Variants in TMX1 observed in about 807,000 individuals in gnomAD.
TMX1 encodes thioredoxin related transmembrane protein 1.
In TMX1, 25 loss-of-function variants were observed where a neutral mutation model predicts 36.6. The ratio of observed to expected loss-of-function variants is 0.68; its 90% CI spans 0.50 to 0.95. The LOEUF (loss-of-function observed/expected upper bound fraction) is 0.95. Ranked by LOEUF, TMX1 falls within the 40% of genes least tolerant of loss-of-function variation. The pLI, the probability that TMX1 is intolerant of heterozygous loss-of-function variation, is 0.00. For synonymous variants in TMX1, 133 were observed against 118.0 expected, an observed-to-expected ratio of 1.13 and a Z score of -0.82; for missense variants, 347 against 339.6, an observed-to-expected ratio of 1.02 and a Z score of -0.17.
At position 51,254,400 on chromosome 14, in the gene TMX1, G is replaced by A. The variant is rs1170288690; in HGVS notation, c.724G>A (p.Asp242Asn). ...AAAAGTGGAGGAGGAACAAGAGGCG[G>A]ATGAAGAAGATGTTTCAGAAGAAGA... ...LKKVEEEQEADEEDVSEEEAE... is the reference protein window; with the variant it reads ...LKKVEEEQEANEEDVSEEEAE... The change falls in exon 8 of 8, where the codon GAT becomes AAT. Residue 242 changes from aspartate (D) to asparagine (N), a missense_variant. Physicochemically the swap from Asp to Asn is conservative, Grantham distance 23 (BLOSUM62 1). Transcript: ENST00000457354. 5.6e-6 allele frequency: 9 copies of A among 1,612,200 alleles called. No individual in the cohort carries two copies. The highest frequency in any genetic ancestry group is 2.5e-6 in the Non-Finnish European group (3 of 1,179,166).
In TMX1 at chr14:51,249,581, AT is replaced by A; in HGVS notation, c.591+17del. The stretch of plus-strand genomic sequence containing the variant: ...TGTTATTAGGACTCGTAAGTATTTC[AT>A]TTTTGGAGTGCTAGGAAGAAAGATA... On this transcript the variant is annotated intron_variant, in intron 6 of 7. Transcript: ENST00000457354. The A allele has an allele frequency of 4.3e-6, 7 of 1,609,662 alleles. No homozygotes were observed. Among genetic ancestry groups the A allele is most frequent in the Non-Finnish European group, 5.9e-6 (7 of 1,177,770 alleles).
At position 51,245,389 on chromosome 14, in the gene TMX1, A is replaced by G. The variant is rs754966871; in HGVS notation, c.314+31A>G. 4 of 1,612,522 alleles carry G rather than the reference A, an allele frequency of 2.5e-6. No individual in the cohort carries two copies. In the South Asian group the frequency reaches 3.3e-5, roughly 13 times the overall value. On this transcript the variant is annotated intron_variant, in intron 3 of 7. Coordinates refer to ENST00000457354, the MANE Select transcript of TMX1 (RefSeq NM_030755.5). ...TATTTGAAGATTCTAAATTATGGAG[A>G]AGGATGCATTATAGTGTAATCAGAA... is the stretch of plus-strand genomic sequence containing the variant.
At chr14:51,246,439 C>G (rs915854001) in intron 3 of TMX1, among the ~76,000 whole-genome samples, 6 of 152,166 alleles carry the variant, frequency 3.9e-5, no homozygotes, top group Non-Finnish European at 8.8e-5. Context: ...TCCCTTAACC[C>G]TACTTAACAG....
chr14:51,251,199 A>G (rs1040604263), intron 7 of TMX1, among the ~76,000 whole-genome samples: 1 of 152,228 alleles, frequency 6.6e-6, no homozygotes, highest in Non-Finnish European at 1.5e-5. Context: ...TGACTTTACG[A>G]TGGTGCAAAA....
In TMX1 at chr14:51,255,393, G is replaced by GTTTTTTTTT. The variant is rs57089405; in HGVS notation, c.*881_*889dup. On this transcript the variant is annotated 3_prime_UTR_variant, in exon 8 of 8. Transcript: ENST00000457354. The stretch of plus-strand genomic sequence containing the variant: ...TCTTGCTGAACTTCAACTTGAAATT[G>GTTTTTTTTT]TTTTTTTTTTTTTTTCTTTTTGGAT... 3 of 141,600 alleles carry GTTTTTTTTT rather than the reference G, an allele frequency of 2.1e-5. No individual in the cohort carries two copies. The highest frequency in any genetic ancestry group is 2.7e-5 in the African/African-American group (1 of 37,718). 8.8% of individuals were successfully genotyped at this position (141,600 alleles called of 1,614,324 possible).
rs542669698 is a variant in TMX1 at position 51,256,912 on chromosome 14, T to C, written c.*2393T>C. 2.6e-5 allele frequency: 4 copies of C among 152,256 alleles called. No homozygotes were observed. The highest frequency in any genetic ancestry group is 1.9e-4 in the East Asian group (1 of 5,192). 9.4% of individuals were successfully genotyped at this position (152,256 alleles called of 1,614,324 possible). On this transcript the variant is annotated 3_prime_UTR_variant, in exon 8 of 8. Coordinates refer to ENST00000457354, the MANE Select transcript of TMX1 (RefSeq NM_030755.5). ...TGTTTGTTTTTGTTTTTGTTTTTTT[T>C]CTTCAGTGTGGGTACATGAAATTCA...
At chr14:51,246,194 C>T (rs915038036) in intron 3 of TMX1, among the ~76,000 whole-genome samples, 12 of 152,122 alleles carry the variant, frequency 7.9e-5, no homozygotes, top group African/African-American at 2.7e-4. Context: ...CTTTTCCCCA[C>T]GTGCCCCTTC....
rs780615383 is a variant in TMX1 at position 51,254,379 on chromosome 14, G to A, written c.703G>A (p.Val235Met). 2.5e-6 allele frequency: 4 copies of A among 1,609,588 alleles called. No individual in the cohort carries two copies. The highest frequency in any genetic ancestry group is 4.5e-5 in the East Asian group (2 of 44,772). ...LSESAQPLKK[V>M]EEEQEADEED... is the part of the protein sequence containing the mutation. ...AGAATCTGCACAACCTTTGAAAAAA[G>A]TGGAGGAGGAACAAGAGGCGGATGA... The change falls in exon 8 of 8, where the codon GTG becomes ATG. Residue 235 changes from valine (V) to methionine (M), a missense_variant. By Grantham distance (21) the Val-to-Met change is conservative (BLOSUM62 1). Coordinates refer to ENST00000457354, the MANE Select transcript of TMX1 (RefSeq NM_030755.5).
intron 1 of TMX1, 32 bp downstream of exon 1, chr14:51,240,476 G>C (rs771221782): frequency 6.2e-7 from 1 of 1,602,250 alleles, no homozygotes; most frequent in South Asian, 1.1e-5. Context: ...TCCTACGTCC[G>C]TGCCTGGACA....
At position 51,245,361 on chromosome 14, in the gene TMX1, A is replaced by C. The variant is rs760558903; in HGVS notation, c.314+3A>C. The stretch of plus-strand genomic sequence containing the variant: ...ACTGCTCTTCCTACTATTTATCAGT[A>C]AGTATTTGAAGATTCTAAATTATGG... On this transcript the variant is annotated splice_donor_region_variant and intron_variant, in intron 3 of 7. Coordinates refer to ENST00000457354, the MANE Select transcript of TMX1 (RefSeq NM_030755.5). 1 of 1,613,834 alleles carries C rather than the reference A, an allele frequency of 6.2e-7. No homozygotes were observed. Among genetic ancestry groups the C allele is most frequent in the Non-Finnish European group, 8.5e-7 (1 of 1,179,840 alleles).
intron 1 of TMX1, among the ~76,000 whole-genome samples, chr14:51,242,128 C>A (rs1455811952): frequency 2.0e-5 from 3 of 149,690 alleles, no homozygotes; most frequent in African/African-American, 7.4e-5. Context: ...GACTCAATCT[C>A]AAAAAAAAAG....
At chr14:51,249,963 C>T (rs1424193392) in intron 7 of TMX1, among the ~76,000 whole-genome samples, 198 bp downstream of exon 7, 5 of 152,126 alleles carry the variant, frequency 3.3e-5, no homozygotes, top group African/African-American at 1.2e-4. Context: ...GATTTTGGAA[C>T]ATTGTTATTT....
intron 7 of TMX1, chr14:51,253,797 A>G (rs1566713231): frequency 6.6e-6 from 1 of 152,310 alleles, no homozygotes; most frequent in Non-Finnish European, 1.5e-5. Flanking sequence ...AGAAGAAGAT[A>G]TGGACAGAAA....
At position 51,256,595 on chromosome 14, in the gene TMX1, A is replaced by G. The variant is rs1214749781; in HGVS notation, c.*2076A>G. The G allele has an allele frequency of 1.3e-5, 2 of 152,234 alleles. No homozygotes were observed. The highest frequency in any genetic ancestry group is 4.8e-5 in the African/African-American group (2 of 41,474). The allele number at this position is 152,234 out of a possible 1,614,324, so 9.4% of individuals were successfully genotyped here. A position where few individuals can be genotyped will look rare whatever the true frequency, so the allele number is the denominator to read the frequency against. ...ATCAATTCAGCTGTACTACTGAAGT[A>G]TTGTAAAATCTGATCTCTAGAGGAA... On this transcript the variant is annotated 3_prime_UTR_variant, in exon 8 of 8. Coordinates refer to ENST00000457354, the MANE Select transcript of TMX1 (RefSeq NM_030755.5).
At chr14:51,241,862 G>A (rs2065763186) in intron 1 of TMX1, among the ~76,000 whole-genome samples, 2 of 152,216 alleles carry the variant, frequency 1.3e-5, no homozygotes, top group African/African-American at 4.8e-5. Context: ...CGGCGCGGTG[G>A]CTCACGCCTG....
chr14:51,249,864 A>G, intron 7 of TMX1, 99 bp downstream of exon 7: 3 of 877,228 alleles, frequency 3.4e-6, no homozygotes, highest in Non-Finnish European at 5.2e-6. Context: ...CCAGCTTAGA[A>G]TTCTAACTGT....
rs1157960117 is a variant in TMX1 at position 51,257,353 on chromosome 14, T to TA, written c.*2835dup. On this transcript the variant is annotated 3_prime_UTR_variant, in exon 8 of 8. Coordinates refer to ENST00000457354, the MANE Select transcript of TMX1 (RefSeq NM_030755.5). ...GGCTTAATTGTGATGTAATTAAAAT[T>TA]ATTGAGTGAACATTTTGGCTCATAT... The TA allele has an allele frequency of 6.6e-6, 1 of 152,192 alleles. No individual in the cohort carries two copies. Among genetic ancestry groups the TA allele is most frequent in the African/African-American group, 2.4e-5 (1 of 41,446 alleles). The allele number at this position is 152,192 out of a possible 1,614,324, so 9.4% of individuals were successfully genotyped here. A position where few individuals can be genotyped will look rare whatever the true frequency, so the allele number is the denominator to read the frequency against.
chr14:51,242,919 T>C (rs2065768405), intron 1 of TMX1, among the ~76,000 whole-genome samples: 1 of 152,198 alleles, frequency 6.6e-6, no homozygotes, highest in South Asian at 2.1e-4. Context: ...TGGAGATATT[T>C]TCATTGTAAT....
chr14:51,250,387 TGAG>T (rs1398412379), intron 7 of TMX1, among the ~76,000 whole-genome samples: 1 of 152,254 alleles, frequency 6.6e-6, no homozygotes, highest in African/African-American at 2.4e-5. Flanking sequence ...ATTTTGTACT[TGAG>T]GAGACTAAGG....
Sources: gnomAD v4.1 joint callset for allele counts (sites outside exome capture counted in the v4.1 genomes callset) on GRCh38, gnomAD v4.1.1 for gene constraint, MANE v1.5 for transcripts, NCBI Gene and HGNC (gene_info 2026-07-23, HGNC 2026-07-21) for gene names.